The following STXBP5 variants were observed in gnomAD, a reference collection of about 807,000 sequenced individuals.
The protein encoded by STXBP5 is syntaxin-binding protein 5.
In STXBP5, 50 loss-of-function variants were observed where a neutral mutation model predicts 152.4. The ratio of observed to expected loss-of-function variants is 0.33; its 90% confidence interval spans 0.26 to 0.42. The LOEUF is 0.42. STXBP5 is among the 10% of genes least tolerant of loss of function. The probability of loss-of-function intolerance (pLI) is 1.00; values close to 1 mark genes in which losing one functional copy is unlikely to be tolerated. For synonymous variants in STXBP5, 492 were observed against 494.7 expected (o/e 0.99, Z 0.07); for missense variants, 1,167 against 1,388.6 (o/e 0.84, Z 2.54).
chr6:147,301,931 A>G (rs936565244), intron 9 of STXBP5, among the ~76,000 whole-genome samples: 1 of 152,140 alleles, frequency 6.6e-6, no homozygotes, highest in Non-Finnish European at 1.5e-5. Flanking sequence ...AAAGGTGACT[A>G]TTATAGCTTT....
intron 8 of STXBP5, among the ~76,000 whole-genome samples, chr6:147,284,882 C>A (rs951673262): frequency 6.6e-6 from 1 of 152,192 alleles, no homozygotes; most frequent in Non-Finnish European, 1.5e-5. Flanking sequence ...TAGTGAGAAG[C>A]ATTAAGTTTA....
chr6:147,305,760 TC>T (rs1229839242), intron 9 of STXBP5, among the ~76,000 whole-genome samples: 1 of 152,206 alleles, frequency 6.6e-6, no homozygotes, highest in East Asian at 1.9e-4. Flanking sequence ...TCTCTGGACT[TC>T]CTGCTAAGCA....
chr6:147,270,419 AC>A (rs1780107664), intron 7 of STXBP5, among the ~76,000 whole-genome samples: 1 of 147,592 alleles, frequency 6.8e-6, no homozygotes. Flanking sequence ...AAAAAAAATT[AC>A]AGCAAATTTT....
chr6:147,373,090 G>C (rs190656320), intron 25 of STXBP5, among the ~76,000 whole-genome samples: 1 of 152,008 alleles, frequency 6.6e-6, no homozygotes, highest in Non-Finnish European at 1.5e-5. Context: ...CTTCTTTCTG[G>C]CTGGGCATGG....
At chr6:147,377,000 A>G (rs914505913) in intron 26 of STXBP5, among the ~76,000 whole-genome samples, 2 of 152,320 alleles carry the variant, frequency 1.3e-5, no homozygotes, top group East Asian at 3.9e-4. Context: ...TGTACCTACT[A>G]TTTTGACTTC....
At chr6:147,272,298 A>C (rs921315472) in intron 7 of STXBP5, among the ~76,000 whole-genome samples, 1 of 152,208 alleles carries the variant, frequency 6.6e-6, no homozygotes, top group Middle Eastern at 3.2e-3. Context: ...AATTATAAGG[A>C]GACTACAGAC....
chr6:147,216,331 G>GC (rs1777165912), intron 2 of STXBP5, among the ~76,000 whole-genome samples: 1 of 152,144 alleles, frequency 6.6e-6, no homozygotes, highest in Non-Finnish European at 1.5e-5. Flanking sequence ...GGCGGAGGTT[G>GC]CCGTGAGCTG....
chr6:147,213,477 T>TGTGTGTGTGTGTGCGCGCGCGCGC, intron 2 of STXBP5, among the ~76,000 whole-genome samples: 3 of 131,276 alleles, frequency 2.3e-5, no homozygotes, highest in African/African-American at 9.6e-5. Context: ...TGTGTGTGTG[T>TGTGTGTGTGTGTGCGCGCGCGCGC]GCGCGCGCAT....
intron 8 of STXBP5, among the ~76,000 whole-genome samples, chr6:147,288,110 A>G (rs1384633058): frequency 6.6e-6 from 1 of 152,122 alleles, no homozygotes; most frequent in Non-Finnish European, 1.5e-5. Flanking sequence ...TTTCTGCCTG[A>G]GTTCCATTTG....
At chr6:147,356,294 ACTT>A (rs1784812440) in intron 22 of STXBP5, among the ~76,000 whole-genome samples, 1 of 152,006 alleles carries the variant, frequency 6.6e-6, no homozygotes, top group African/African-American at 2.4e-5. Flanking sequence ...TATATTATCT[ACTT>A]TTTTCATATC....
At chr6:147,232,859 A>C (rs1269255249) in intron 2 of STXBP5, among the ~76,000 whole-genome samples, 1 of 151,844 alleles carries the variant, frequency 6.6e-6, no homozygotes, top group Non-Finnish European at 1.5e-5. Flanking sequence ...TACATAGCCC[A>C]AGAGTAAAAC....
At chr6:147,328,879 A>T (rs1017264375) in intron 18 of STXBP5, 1 of 421,842 alleles carries the variant, frequency 2.4e-6, no homozygotes, top group Non-Finnish European at 4.7e-6. Context: ...TTCTATGTCT[A>T]AAACACTGTA....
At chr6:147,213,477 T>TGTGTGTGTGTGTGTGTGCGCGCGC in intron 2 of STXBP5, among the ~76,000 whole-genome samples, 28 of 131,316 alleles carry the variant, frequency 2.1e-4, no homozygotes, top group African/African-American at 6.7e-4. Context: ...TGTGTGTGTG[T>TGTGTGTGTGTGTGTGTGCGCGCGC]GCGCGCGCAT....
intron 16 of STXBP5, among the ~76,000 whole-genome samples, chr6:147,320,579 G>GTGTGTT (rs1554297942): frequency 0.12 from 17,897 of 148,826 alleles, 2,390 homozygotes; most frequent in African/African-American, 0.31. Flanking sequence ...GTGTGTGTGT[G>GTGTGTT]TGTGTGTGTG....
At chr6:147,261,118 C>A (rs1289013932) in intron 5 of STXBP5, among the ~76,000 whole-genome samples, 1 of 151,748 alleles carries the variant, frequency 6.6e-6, no homozygotes, top group African/African-American at 2.4e-5. Flanking sequence ...GAGTTGCCAC[C>A]AATGTTTGGA....
intron 25 of STXBP5, among the ~76,000 whole-genome samples, chr6:147,371,898 T>A (rs1785557410): frequency 6.6e-6 from 1 of 152,166 alleles, no homozygotes; most frequent in African/African-American, 2.4e-5. Context: ...CTGTTATTGA[T>A]CTTTTTTACG....
intron 9 of STXBP5, among the ~76,000 whole-genome samples, chr6:147,304,106 A>G (rs751697556): frequency 4.3e-4 from 65 of 152,228 alleles, no homozygotes; most frequent in Admixed American, 7.9e-4. Flanking sequence ...TTAATCAACA[A>G]GACAATAGGG....
Position 147,228,534 on chromosome 6 carries a change from A to G in STXBP5, c.249-6716A>G, listed in dbSNP as rs191114681. Among the ~76,000 whole-genome samples the G allele has an allele frequency of 2.0e-5, 3 of 152,068 alleles. No individual in the cohort carries two copies. In the East Asian group the frequency reaches 5.8e-4, roughly 29 times the overall value. On this transcript the variant is annotated intron_variant, in intron 2 of 27. Transcript: ENST00000321680. ...ACCCATGTTCATTAGAAGCTGCGTA[A>G]AATCTATTTTCTTCTATTATTTCTT...
intron 21 of STXBP5, among the ~76,000 whole-genome samples, chr6:147,344,244 C>G (rs1784216992): frequency 6.6e-6 from 1 of 152,042 alleles, no homozygotes; most frequent in African/African-American, 2.4e-5. Context: ...GTGTACTTAT[C>G]CCTCTATTGA....
Sources: gnomAD v4.1 joint callset for allele counts (sites outside exome capture counted in the v4.1 genomes callset) on GRCh38, gnomAD v4.1.1 for gene constraint, MANE v1.5 for transcripts, NCBI Gene and HGNC (gene_info 2026-07-23, HGNC 2026-07-21) for gene names.